The following SGCD variants were observed in gnomAD, a reference collection of about 807,000 sequenced individuals.
SGCD encodes the protein sarcoglycan delta.
In SGCD, 18 loss-of-function variants were observed where a neutral mutation model predicts 36.6. The ratio of observed to expected loss-of-function variants is 0.49; its 90% confidence interval spans 0.34 to 0.73. SGCD has a LOEUF of 0.73. Ranked by LOEUF, SGCD falls within the 30% of genes least tolerant of loss-of-function variation. SGCD has a pLI of 0.01. For missense variants in SGCD, 387 were observed against 346.7 expected, an observed-to-expected ratio of 1.12 and a Z score of -0.92; for synonymous variants, 133 against 130.6, an observed-to-expected ratio of 1.02 and a Z score of -0.12.
intron 4 of SGCD, among the ~76,000 whole-genome samples, chr5:156,556,724 C>G (rs1188312583): frequency 6.6e-6 from 1 of 152,180 alleles, no homozygotes; most frequent in Non-Finnish European, 1.5e-5. Context: ...GCATTTTACT[C>G]TCAGATTGCC....
At chr5:156,606,700 C>G (rs149255623) in intron 6 of SGCD, among the ~76,000 whole-genome samples, 5,501 of 152,088 alleles carry the variant, frequency 0.036, 334 homozygotes, top group African/African-American at 0.12. Flanking sequence ...TCTTCCATTT[C>G]TTTGTATCCT....
chr5:156,098,101 T>G (rs559338463), intron 1 of SGCD, among the ~76,000 whole-genome samples: 6 of 152,344 alleles, frequency 3.9e-5, no homozygotes, highest in South Asian at 2.1e-4. Flanking sequence ...CTCCATTGTT[T>G]CTAGGCAAAG....
intron 3 of SGCD, among the ~76,000 whole-genome samples, chr5:156,459,180 C>T (rs1291513370): frequency 6.6e-6 from 1 of 152,132 alleles, no homozygotes; most frequent in African/African-American, 2.4e-5. Flanking sequence ...TCCCAACCTC[C>T]ACTTTATAAG....
chr5:155,949,892 C>A (rs1248829496), intron 1 of SGCD, among the ~76,000 whole-genome samples: 1 of 152,170 alleles, frequency 6.6e-6, no homozygotes, highest in East Asian at 1.9e-4. Context: ...ATGTTACAGC[C>A]TTTCTAATTT....
At chr5:156,129,722 T>A (rs895956171) in intron 3 of SGCD, among the ~76,000 whole-genome samples, 2 of 152,214 alleles carry the variant, frequency 1.3e-5, no homozygotes, top group African/African-American at 4.8e-5. Context: ...CTTCCACTTA[T>A]AAGTGAGAAC....
At chr5:156,018,074 T>C (rs1454518940) in intron 1 of SGCD, among the ~76,000 whole-genome samples, 1 of 152,132 alleles carries the variant, frequency 6.6e-6, no homozygotes, top group Non-Finnish European at 1.5e-5. Flanking sequence ...GTGGGAGGAT[T>C]GCTTGAGCCT....
chr5:156,410,550 C>A (rs1315415602), intron 3 of SGCD, among the ~76,000 whole-genome samples: 1 of 152,198 alleles, frequency 6.6e-6, no homozygotes, highest in Non-Finnish European at 1.5e-5. Context: ...TTTAAAGTTA[C>A]AGCTACCATG....
intron 3 of SGCD, among the ~76,000 whole-genome samples, chr5:156,424,728 A>G (rs1201525402): frequency 6.6e-6 from 1 of 152,050 alleles, no homozygotes; most frequent in Non-Finnish European, 1.5e-5. Flanking sequence ...ACTCATGGCC[A>G]TGACTTTCTT....
chr5:156,591,772 T>A (rs1760730226), intron 5 of SGCD, among the ~76,000 whole-genome samples: 2 of 152,168 alleles, frequency 1.3e-5, no homozygotes, highest in African/African-American at 4.8e-5. Context: ...ACATGTGACC[T>A]CCTGAGCTGT....
At chr5:156,625,617 A>G (rs1439720144) in intron 6 of SGCD, among the ~76,000 whole-genome samples, 1 of 152,334 alleles carries the variant, frequency 6.6e-6, no homozygotes, top group Middle Eastern at 3.4e-3. Flanking sequence ...AGTGATCACA[A>G]ACCCACTGAA....
At chr5:155,998,729 G>C (rs1758605389) in intron 1 of SGCD, among the ~76,000 whole-genome samples, 1 of 152,128 alleles carries the variant, frequency 6.6e-6, no homozygotes, top group African/African-American at 2.4e-5. Context: ...TTCTACCCTA[G>C]AAAGCTTGTT....
At chr5:156,406,036 G>GAAAAAAAAAAAAAAAAAAAAAAAAAAAAT (rs79259925) in intron 3 of SGCD, among the ~76,000 whole-genome samples, 3 of 136,608 alleles carry the variant, frequency 2.2e-5, no homozygotes, top group South Asian at 2.4e-4. Flanking sequence ...AAAAAAAAAG[G>GAAAAAAAAAAAAAAAAAAAAAAAAAAAAT]CCTCTGGGCA....
chr5:155,942,326 G>GTATCTATC (rs200508490), intron 1 of SGCD, among the ~76,000 whole-genome samples: 10,492 of 110,794 alleles, frequency 0.095, 439 homozygotes, highest in Middle Eastern at 0.11. Context: ...ATGTATGTAT[G>GTATCTATC]TATGTATGTA....
chr5:156,227,224 A>G (rs761100898), intron 3 of SGCD, among the ~76,000 whole-genome samples: 5 of 152,052 alleles, frequency 3.3e-5, no homozygotes, highest in Admixed American at 6.6e-5. Context: ...AATTTGTTTT[A>G]TACTTTGAGG....
intron 6 of SGCD, among the ~76,000 whole-genome samples, chr5:156,618,101 C>T (rs1195272812): frequency 6.6e-6 from 1 of 152,124 alleles, no homozygotes; most frequent in Non-Finnish European, 1.5e-5. Context: ...CAGAAGGAAG[C>T]ATGAGAATGG....
chr5:156,531,759 C>G (rs1250792083), intron 4 of SGCD, among the ~76,000 whole-genome samples: 1 of 151,944 alleles, frequency 6.6e-6, no homozygotes, highest in Non-Finnish European at 1.5e-5. Flanking sequence ...ATCTAATGTC[C>G]AGGAGAACCA....
At chr5:156,582,007 C>G (rs1475185790) in intron 4 of SGCD, among the ~76,000 whole-genome samples, 1 of 152,184 alleles carries the variant, frequency 6.6e-6, no homozygotes, top group African/African-American at 2.4e-5. Context: ...CTGCATCAAT[C>G]ATGCTGGGAG....
chr5:156,311,291 G>T (rs540417903), intron 3 of SGCD, among the ~76,000 whole-genome samples: 3 of 152,076 alleles, frequency 2.0e-5, no homozygotes, highest in African/African-American at 7.2e-5. Flanking sequence ...CCATAGATAT[G>T]CTATGAAAGA....
At chr5:156,359,440 A>G (rs1180709166) in intron 3 of SGCD, among the ~76,000 whole-genome samples, 3 of 152,226 alleles carry the variant, frequency 2.0e-5, no homozygotes, top group Non-Finnish European at 4.4e-5. Context: ...TAACAGCCCT[A>G]GAAGATGAGT....
Sources: gnomAD v4.1 joint callset for allele counts (sites outside exome capture counted in the v4.1 genomes callset) on GRCh38, gnomAD v4.1.1 for gene constraint, MANE v1.5 for transcripts, NCBI Gene and HGNC (gene_info 2026-07-23, HGNC 2026-07-21) for gene names.